Variants in RUSC1 observed in about 807,000 individuals in gnomAD.
RUSC1 encodes AP-4 complex accessory subunit RUSC1.
RUSC1 carries 40 observed loss-of-function variants against 72.1 expected under a neutral mutation model. That is an observed-to-expected ratio of 0.55 (90% CI 0.43 to 0.72). RUSC1 has a LOEUF of 0.72. RUSC1 is among the 30% of genes least tolerant of loss of function. The pLI, the probability that RUSC1 is intolerant of heterozygous loss-of-function variation, is 0.00. For synonymous variants in RUSC1, 512 were observed against 494.2 expected, an observed-to-expected ratio of 1.04 and a Z score of -0.48; for missense variants, 1,092 against 1,172.3, an observed-to-expected ratio of 0.93 and a Z score of 1.00.
In RUSC1 at chr1:155,322,263, C is replaced by T; in HGVS notation, c.490C>T (p.Pro164Ser). The T allele has an allele frequency of 6.2e-7, 1 of 1,612,998 alleles. No homozygotes were observed. The highest frequency in any genetic ancestry group is 8.5e-7 in the Non-Finnish European group (1 of 1,179,178). ...CTCACCGGACAGCTTCTGCTGCTCT[C>T]CTGATTCCTGCTCCGGAGCTTCTTC... is the stretch of plus-strand genomic sequence containing the variant. Reference protein sequence around the residue: ...TCSPDSFCCSPDSCSGASSSP... With the variant: ...TCSPDSFCCSSDSCSGASSSP... Residue 164 changes from proline (P) to serine (S), a missense_variant, in exon 2 of 10, where the codon CCT (proline) becomes TCT (serine). By Grantham distance (74) the Pro-to-Ser change is moderately conservative. Transcript: ENST00000368352.
At chr1:155,323,338 G>T (rs1281647834) in intron 2 of RUSC1, among the ~76,000 whole-genome samples, 1 of 152,082 alleles carries the variant, frequency 6.6e-6, no homozygotes, top group East Asian at 1.9e-4. Flanking sequence ...GCCCCTTCTT[G>T]CCTGGCTGCC....
In RUSC1 at chr1:155,330,686, C is replaced by A; in HGVS notation, c.*115C>A. ...TGCAAAATGACGTTTCTTCCCACGT[C>A]TGTTTCTGCTAATATTTAAAATAAA... is the stretch of plus-strand genomic sequence containing the variant. On this transcript the variant is annotated 3_prime_UTR_variant, in exon 10 of 10. Coordinates refer to ENST00000368352, the MANE Select transcript of RUSC1 (RefSeq NM_001105203.2). The A allele has an allele frequency of 3.0e-6, 3 of 995,700 alleles. No individual in the cohort carries two copies. Among genetic ancestry groups the A allele is most frequent in the Non-Finnish European group, 4.3e-6 (3 of 698,778 alleles). 61.7% of individuals were successfully genotyped at this position (995,700 alleles called of 1,614,324 possible).
At chr1:155,328,878 G>A (rs951476181) in intron 9 of RUSC1, among the ~76,000 whole-genome samples, 1 of 152,092 alleles carries the variant, frequency 6.6e-6, no homozygotes, top group African/African-American at 2.4e-5. Context: ...AATTATAGGC[G>A]TGAGCCACTG....
intron 1 of RUSC1, 64 bp from the exon 2 acceptor site, chr1:155,321,624 C>A: frequency 7.9e-7 from 1 of 1,262,646 alleles, no homozygotes; most frequent in Non-Finnish European, 1.1e-6. Flanking sequence ...CGTCAAGTCA[C>A]CTCGGTGTCC....
Position 155,322,418 on chromosome 1 carries a change from G to A in RUSC1, c.645G>A (p.Ala215=), listed in dbSNP as rs371550173. The change falls in exon 2 of 10, where the codon GCG becomes GCA. Residue 215 remains alanine, a synonymous_variant. Coordinates refer to ENST00000368352, the MANE Select transcript of RUSC1 (RefSeq NM_001105203.2). ...QDLPTSELLE[A]DDGKIDAGKT... is the part of the protein sequence containing the mutation. The stretch of plus-strand genomic sequence containing the variant: ...TCCCTACCTCTGAGCTCTTAGAGGC[G>A]GATGATGGGAAAATCGACGCTGGGA... The A allele has an allele frequency of 1.1e-4, 177 of 1,614,128 alleles. No homozygotes were observed. The South Asian group carries it at 1.5e-3, about 14-fold the overall frequency.
At chr1:155,327,228 G>A in intron 8 of RUSC1, 96 bp downstream of exon 8, 2 of 1,269,318 alleles carry the variant, frequency 1.6e-6, no homozygotes, top group East Asian at 4.8e-5. Flanking sequence ...CTTTAGGGCA[G>A]AGATTGGCGG....
At chr1:155,321,302 C>G in intron 1 of RUSC1, 1 of 1,371,262 alleles carries the variant, frequency 7.3e-7, no homozygotes, top group Non-Finnish European at 9.8e-7. Flanking sequence ...CCTCCACCTC[C>G]TTTCAGGGCA....
rs770346987 is a variant in RUSC1 at position 155,325,685 on chromosome 1, C to T, written c.1814+13C>T. 1 of 1,613,210 alleles carries T rather than the reference C, an allele frequency of 6.2e-7. No homozygotes were observed. The highest frequency in any genetic ancestry group is 1.1e-5 in the South Asian group (1 of 90,982). The stretch of plus-strand genomic sequence containing the variant: ...TGGGCCTCCTCAAGTGAGTTGCCTT[C>T]TTTCCAGTGCCCTTCCCACGACCTG... On this transcript the variant is annotated intron_variant, in intron 6 of 9. Coordinates refer to ENST00000368352, the MANE Select transcript of RUSC1 (RefSeq NM_001105203.2). This position sits in a 1 kb window ranked among gnomAD's most constrained non-coding sequence, Gnocchi z 6.5.
Position 155,330,757 on chromosome 1 carries a change from C to T in RUSC1, c.*186C>T. On this transcript the variant is annotated 3_prime_UTR_variant, in exon 10 of 10. Transcript: ENST00000368352. ...ACCCACCTGTAAGGTGAAATCTGCT[C>T]TTCTTCCAAATATATAAAAAAGGAA... 1 of 527,592 alleles carries T rather than the reference C, an allele frequency of 1.9e-6. No homozygotes were observed. Among genetic ancestry groups the T allele is most frequent in the South Asian group, 2.9e-5 (1 of 34,140 alleles). The allele number at this position is 527,592 out of a possible 1,614,324, so 32.7% of individuals were successfully genotyped here.
At position 155,326,678 on chromosome 1, in the gene RUSC1, T is replaced by C. The variant is rs1365905584; in HGVS notation, c.1960T>C (p.Leu654=). The change falls in exon 8 of 10, where the codon TTG becomes CTG. Residue 654 remains leucine, a synonymous_variant. Transcript: ENST00000368352. This position sits in a 1 kb window ranked among gnomAD's most constrained non-coding sequence, Gnocchi z 4.7. ...STELLLLLQP[L]SVLTFHLDLL... ...AGAGCTGCTGCTCCTGCTGCAGCCA[T>C]TGTCGGTGCTCACTTTCCACCTGGA... 3 of 1,613,840 alleles carry C rather than the reference T, an allele frequency of 1.9e-6. No individual in the cohort carries two copies. Among genetic ancestry groups the C allele is most frequent in the East Asian group, 4.5e-5 (2 of 44,886 alleles).
In RUSC1 at chr1:155,322,441, G is replaced by A; in HGVS notation, c.668G>A (p.Gly223Glu). The A allele has an allele frequency of 6.2e-7, 1 of 1,614,102 alleles. No individual in the cohort carries two copies. The highest frequency in any genetic ancestry group is 2.2e-5 in the East Asian group (1 of 44,878). ...GCGGATGATGGGAAAATCGACGCTG[G>A]GAAAACGGAGCCCAGTTGGAAGATT... is the stretch of plus-strand genomic sequence containing the variant. ...LEADDGKIDA[G>E]KTEPSWKINP... is the part of the protein sequence containing the mutation. The change falls in exon 2 of 10, where the codon GGG becomes GAG. Residue 223 changes from glycine (G) to glutamate (E), a missense_variant. By Grantham distance (98) the Gly-to-Glu change is moderately conservative. Transcript: ENST00000368352.
chr1:155,328,323 T>C (rs1651638445), intron 9 of RUSC1, 48 bp downstream of exon 9: 5 of 1,533,320 alleles, frequency 3.3e-6, no homozygotes, highest in Non-Finnish European at 4.4e-6. Context: ...ATGTATGCTA[T>C]CACAGCATGG....
rs186304234 is a variant in RUSC1 at position 155,328,169 on chromosome 1, C to A, written c.2434C>A (p.Pro812Thr). 1,058 of 1,613,080 alleles carry A rather than the reference C, an allele frequency of 6.6e-4. 9 individuals carry two copies. In the Admixed American group the frequency reaches 0.017, roughly 26 times the overall value. Residue 812 changes from proline to threonine, a missense_variant, in exon 9 of 10, where the codon CCC (proline) becomes ACC (threonine). By Grantham distance (38) the Pro-to-Thr change is conservative (BLOSUM62 -1). Coordinates refer to ENST00000368352, the MANE Select transcript of RUSC1 (RefSeq NM_001105203.2). ...LKSRRPSSWL[P>T]PTVSVLALVK... is the part of the protein sequence containing the mutation. ...TTTTAGGAGACCATCTAGCTGGCTG[C>A]CCCCGACAGTGAGTGTGTTGGCTCT...
In RUSC1 at chr1:155,326,167, G is replaced by A; in HGVS notation, c.1861+257G>A. The A allele has an allele frequency of 3.4e-6, 2 of 583,850 alleles. No individual in the cohort carries two copies. The highest frequency in any genetic ancestry group is 2.0e-5 in the South Asian group (1 of 49,082). The allele number at this position is 583,850 out of a possible 1,614,324, so 36.2% of individuals were successfully genotyped here. A position where few individuals can be genotyped will look rare whatever the true frequency, so the allele number is the denominator to read the frequency against. On this transcript the variant is annotated intron_variant, in intron 7 of 9. Coordinates refer to ENST00000368352, the MANE Select transcript of RUSC1 (RefSeq NM_001105203.2). The surrounding 1 kb of genome is among the most constrained non-coding windows in gnomAD (Gnocchi z 4.7). The stretch of plus-strand genomic sequence containing the variant: ...ACAGTCTTCCCGCCTGGCCCTTCCT[G>A]CTCCAGGGCCCTGCTTATGCTGTTC...
At chr1:155,328,680 A>G (rs544345656) in intron 9 of RUSC1, among the ~76,000 whole-genome samples, 1 of 152,028 alleles carries the variant, frequency 6.6e-6, no homozygotes, top group African/African-American at 2.4e-5. Flanking sequence ...GCTCACTGCA[A>G]TCTCCGCCTC....
In RUSC1 at chr1:155,330,923, C is replaced by T. The variant is rs757979116; in HGVS notation, c.*352C>T. 10 of 179,636 alleles carry T rather than the reference C, an allele frequency of 5.6e-5. No individual in the cohort carries two copies. The highest frequency in any genetic ancestry group is 1.6e-4 in the East Asian group (1 of 6,162). 11.1% of individuals were successfully genotyped at this position (179,636 alleles called of 1,614,324 possible). A position where few individuals can be genotyped will look rare whatever the true frequency, so the allele number is the denominator to read the frequency against. ...CCAGTACAATACATGCCTCAGCCCCCAAGCCTAGAAGGACCTCTAGTCTCC... is the reference window on the plus strand; with the variant it reads ...CCAGTACAATACATGCCTCAGCCCCTAAGCCTAGAAGGACCTCTAGTCTCC... On this transcript the variant is annotated 3_prime_UTR_variant, in exon 10 of 10. Transcript: ENST00000368352.
At chr1:155,321,352 G>T in intron 1 of RUSC1, 1 of 1,375,708 alleles carries the variant, frequency 7.3e-7, no homozygotes, top group African/African-American at 1.5e-5. Context: ...CTGGGAGTAA[G>T]GGGTAGGCTG....
chr1:155,325,682 C>T lies in RUSC1; in HGVS notation c.1814+10C>T, dbSNP rs748513307. ...TCCTGGGCCTCCTCAAGTGAGTTGC[C>T]TTCTTTCCAGTGCCCTTCCCACGAC... On this transcript the variant is annotated intron_variant, in intron 6 of 9. Transcript: ENST00000368352. The surrounding 1 kb of genome is among the most constrained non-coding windows in gnomAD (Gnocchi z 6.5). 3.1e-6 allele frequency: 5 copies of T among 1,613,450 alleles called. No homozygotes were observed. Among genetic ancestry groups the T allele is most frequent in the Non-Finnish European group, 8.5e-7 (1 of 1,179,724 alleles).
intron 8 of RUSC1, among the ~76,000 whole-genome samples, chr1:155,327,501 A>G (rs1283823492): frequency 6.6e-6 from 1 of 152,232 alleles, no homozygotes; most frequent in African/African-American, 2.4e-5. Flanking sequence ...GTTCGGTTGA[A>G]AAAAACCTGC....
Sources: gnomAD v4.1 joint callset for allele counts (sites outside exome capture counted in the v4.1 genomes callset) on GRCh38, gnomAD v4.1.1 for gene constraint, Gnocchi (gnomAD v3.1) non-coding constraint, MANE v1.5 for transcripts, NCBI Gene and HGNC (gene_info 2026-07-23, HGNC 2026-07-21) for gene names.